CSMD1: variants seen among roughly 807,000 people sequenced by gnomAD.
The protein encoded by CSMD1 is CUB and sushi domain-containing protein 1.
In CSMD1, 213 loss-of-function variants were observed where a neutral mutation model predicts 417.5. The observed-to-expected ratio is 0.51, with a 90% CI of 0.46 to 0.57. The LOEUF (loss-of-function observed/expected upper bound fraction) is 0.57. Ranked by LOEUF, CSMD1 falls within the 20% of genes least tolerant of loss-of-function variation. The pLI is 0.00. For missense variants in CSMD1, 6,923 were observed against 4,529.7 expected, an observed-to-expected ratio of 1.53 and a Z score of -15.17; for synonymous variants, 2,862 against 1,736.8, an observed-to-expected ratio of 1.65 and a Z score of -16.11.
rs905479181 is a variant in CSMD1, at chr8:3,490,875, A to ATTT, written c.1448+2745_1448+2747dup. Among the ~76,000 whole-genome samples the ATTT allele has an allele frequency of 1.1e-3, 164 of 151,294 alleles. 1 individual carries two copies. Among genetic ancestry groups the ATTT allele is most frequent in the African/African-American group, 3.4e-3 (141 of 41,154 alleles). The stretch of plus-strand genomic sequence containing the variant: ...TGTTTTTAAAAATAAAAAGAAAAAA[A>ATTT]TTTTTTTTTACCTAGTAATTTGTCA... On this transcript the variant is annotated intron_variant, in intron 11 of 69. Transcript: ENST00000635120.
At chr8:4,621,422 T>A (rs9314536) in intron 2 of CSMD1, among the ~76,000 whole-genome samples, 2,108 of 152,242 alleles carry the variant, frequency 0.014, 57 homozygotes, top group African/African-American at 0.049. Context: ...TCAACCTGCA[T>A]TAATAACTGT....
chr8:3,440,193 T>A (rs961018703), intron 12 of CSMD1, among the ~76,000 whole-genome samples: 1 of 152,118 alleles, frequency 6.6e-6, no homozygotes, highest in African/African-American at 2.4e-5. Context: ...ACAAAACATA[T>A]TTGCTGAGAT....
At chr8:4,766,382 T>C (rs1306836332) in intron 1 of CSMD1, among the ~76,000 whole-genome samples, 2 of 152,198 alleles carry the variant, frequency 1.3e-5, no homozygotes, top group East Asian at 3.9e-4. Context: ...GTTTGTGGAT[T>C]GAACGAGAAC....
chr8:4,088,510 A>G (rs1396230518), intron 3 of CSMD1, among the ~76,000 whole-genome samples: 1 of 152,036 alleles, frequency 6.6e-6, no homozygotes, highest in Non-Finnish European at 1.5e-5. Context: ...TTTGTTTTCA[A>G]CCCATGTCAC....
At chr8:2,984,309 T>C (rs1011271991) in intron 54 of CSMD1, among the ~76,000 whole-genome samples, 11 of 152,126 alleles carry the variant, frequency 7.2e-5, no homozygotes, top group African/African-American at 2.7e-4. Context: ...GGGAGGAGCA[T>C]GGGATTTAAA....
intron 5 of CSMD1, among the ~76,000 whole-genome samples, chr8:3,813,130 C>G (rs916966041): frequency 3.3e-4 from 47 of 143,808 alleles, no homozygotes; most frequent in Non-Finnish European, 6.0e-4. Flanking sequence ...AAGACTTTCA[C>G]ATATGTTCCC....
chr8:4,317,229 G>A (rs1398944130), intron 3 of CSMD1, among the ~76,000 whole-genome samples: 1 of 151,744 alleles, frequency 6.6e-6, no homozygotes, highest in African/African-American at 2.4e-5. Flanking sequence ...ATCTGGTAAG[G>A]TAGGCAGGGA....
intron 2 of CSMD1, among the ~76,000 whole-genome samples, chr8:4,551,303 A>G (rs970756863): frequency 3.3e-5 from 5 of 151,818 alleles, no homozygotes; most frequent in Admixed American, 1.3e-4. Flanking sequence ...GTGAAACCCA[A>G]TCTCTTGTCT....
intron 25 of CSMD1, among the ~76,000 whole-genome samples, chr8:3,305,829 G>A (rs928956503): frequency 1.3e-5 from 2 of 152,032 alleles, no homozygotes; most frequent in Non-Finnish European, 2.9e-5. Context: ...ACAGGTGCCT[G>A]CCACCACGTG....
chr8:3,157,985 A>C lies in CSMD1; in HGVS notation c.5845-19T>G. ...AACGGCCCTGTTTAAAAGAAAACAA[A>C]AGAAAATACATATAACTAAAAACAG... On this transcript the variant is annotated intron_variant, in intron 38 of 69. Transcript: ENST00000635120. The C allele has an allele frequency of 6.5e-7, 1 of 1,536,886 alleles. No homozygotes were observed. The highest frequency in any genetic ancestry group is 8.8e-7 in the Non-Finnish European group (1 of 1,133,720).
At chr8:3,452,320 C>A (rs1337128942) in intron 12 of CSMD1, among the ~76,000 whole-genome samples, 2 of 152,164 alleles carry the variant, frequency 1.3e-5, no homozygotes, top group Non-Finnish European at 2.9e-5. Context: ...CCTTCTCCTG[C>A]CTGATTGCCC....
At chr8:3,646,062 G>C (rs1797555610) in intron 7 of CSMD1, among the ~76,000 whole-genome samples, 1 of 147,526 alleles carries the variant, frequency 6.8e-6, no homozygotes, top group Non-Finnish European at 1.5e-5. Flanking sequence ...AAAAAAAAAA[G>C]ATTAAGTGAA....
At chr8:4,905,751 C>T (rs1021582153) in intron 1 of CSMD1, among the ~76,000 whole-genome samples, 34 of 138,892 alleles carry the variant, frequency 2.4e-4, no homozygotes, top group Non-Finnish European at 5.0e-4. Context: ...AACCGGGAGG[C>T]GGAGCTTGCA....
intron 49 of CSMD1, among the ~76,000 whole-genome samples, chr8:3,081,888 G>A (rs750539043): frequency 6.6e-6 from 1 of 152,144 alleles, no homozygotes; most frequent in African/African-American, 2.4e-5. Flanking sequence ...TAGCCTCAGA[G>A]TCACTACTGG....
In CSMD1 at chr8:4,622,085, C is replaced by T. The variant is rs532748907; in HGVS notation, c.302+15257G>A. 4.6e-5 allele frequency among the ~76,000 whole-genome samples: 7 copies of T among 150,698 alleles called. No individual in the cohort carries two copies. In the East Asian group the frequency reaches 1.2e-3, roughly 25 times the overall value. On this transcript the variant is annotated intron_variant, in intron 2 of 69. Coordinates refer to ENST00000635120, the MANE Select transcript of CSMD1 (RefSeq NM_033225.6). ...AGCAACATATTAGTGCAGTTCTAGGCAGGAGACAAAATCTCTCATCAGGGA... is the reference window on the plus strand; with the variant it reads ...AGCAACATATTAGTGCAGTTCTAGGTAGGAGACAAAATCTCTCATCAGGGA...
At chr8:3,276,350 C>G (rs980955964) in intron 26 of CSMD1, among the ~76,000 whole-genome samples, 3 of 152,172 alleles carry the variant, frequency 2.0e-5, no homozygotes, top group Non-Finnish European at 2.9e-5. Flanking sequence ...GCAGAAATCA[C>G]CCATCTTCTG....
intron 11 of CSMD1, among the ~76,000 whole-genome samples, chr8:3,470,144 T>C (rs1817004832): frequency 6.6e-6 from 1 of 152,188 alleles, no homozygotes; most frequent in African/African-American, 2.4e-5. Flanking sequence ...TCTCCTCCCA[T>C]CTTGCCAAAC....
At chr8:4,561,853 A>C (rs187902769) in intron 2 of CSMD1, among the ~76,000 whole-genome samples, 4 of 152,352 alleles carry the variant, frequency 2.6e-5, no homozygotes, top group African/African-American at 9.6e-5. Flanking sequence ...AGAGAAACAC[A>C]GTGACTTGTT....
intron 3 of CSMD1, among the ~76,000 whole-genome samples, chr8:4,195,197 C>G (rs540338576): frequency 7.3e-4 from 111 of 152,268 alleles, no homozygotes; most frequent in African/African-American, 2.2e-3. Context: ...GGAAAATAAA[C>G]TAAAACCTTG....
Sources: gnomAD v4.1 joint callset for allele counts (sites outside exome capture counted in the v4.1 genomes callset) on GRCh38, gnomAD v4.1.1 for gene constraint, MANE v1.5 for transcripts, NCBI Gene and HGNC (gene_info 2026-07-23, HGNC 2026-07-21) for gene names.